THSD4: variants seen among roughly 807,000 people sequenced by gnomAD.
The protein encoded by THSD4 is thrombospondin type 1 domain containing 4.
In THSD4, 69 loss-of-function variants were observed where a neutral mutation model predicts 119.0. That is an observed-to-expected ratio of 0.58 (90% CI 0.48 to 0.71). The LOEUF is 0.71. THSD4 is among the 30% of genes least tolerant of loss of function. THSD4 has a pLI of 0.00. For missense variants in THSD4, 1,393 were observed against 1,391.1 expected, an observed-to-expected ratio of 1.00 and a Z score of -0.02; for synonymous variants, 524 against 540.4, an observed-to-expected ratio of 0.97 and a Z score of 0.42.
intron 7 of THSD4, among the ~76,000 whole-genome samples, chr15:71,501,111 A>G (rs974326308): frequency 1.3e-5 from 2 of 152,220 alleles, no homozygotes; most frequent in South Asian, 2.1e-4. Context: ...ATCCATGAAC[A>G]TGATATGTCT....
chr15:71,699,379 A>AT (rs1232464187), intron 8 of THSD4, among the ~76,000 whole-genome samples: 5 of 144,368 alleles, frequency 3.5e-5, no homozygotes, highest in Non-Finnish European at 6.0e-5. Flanking sequence ...CGCCCGGCTA[A>AT]TTTTTTTGTA....
At chr15:71,739,830 C>CT (rs548898828) in intron 11 of THSD4, among the ~76,000 whole-genome samples, 1,689 of 142,316 alleles carry the variant, frequency 0.012, 27 homozygotes, top group African/African-American at 0.038. Context: ...CTTTGCTTTG[C>CT]TTTTTTTTTT....
intron 8 of THSD4, among the ~76,000 whole-genome samples, chr15:71,720,897 T>A (rs1234538647): frequency 6.6e-6 from 1 of 152,252 alleles, no homozygotes; most frequent in African/African-American, 2.4e-5. Flanking sequence ...GAAACTTTTT[T>A]TTCTTTTTAA....
chr15:71,588,092 G>T (rs1008665834), intron 7 of THSD4, among the ~76,000 whole-genome samples: 4 of 151,912 alleles, frequency 2.6e-5, no homozygotes, highest in African/African-American at 9.7e-5. Context: ...GGATCACGAG[G>T]TCAGGAGATC....
At chr15:71,325,608 G>A (rs914196022) in intron 6 of THSD4, among the ~76,000 whole-genome samples, 1 of 152,202 alleles carries the variant, frequency 6.6e-6, no homozygotes, top group Non-Finnish European at 1.5e-5. Flanking sequence ...AGAGTACAAG[G>A]TTACATGATT....
chr15:71,212,218 T>A (rs1426598271), intron 3 of THSD4, among the ~76,000 whole-genome samples: 1 of 152,216 alleles, frequency 6.6e-6, no homozygotes, highest in African/African-American at 2.4e-5. Flanking sequence ...TTTGTTTGTT[T>A]CTGGCTACAT....
intron 4 of THSD4, among the ~76,000 whole-genome samples, chr15:71,217,726 T>C (rs1196694314): frequency 6.6e-6 from 1 of 152,024 alleles, no homozygotes; most frequent in African/African-American, 2.4e-5. Flanking sequence ...ACTCTTAATT[T>C]TAGAATTGCA....
At position 71,099,279 on chromosome 15, in the gene THSD4, T is replaced by G. The variant is rs148773067; in HGVS notation, c.-80+2273T>G. Among the ~76,000 whole-genome samples, 378 of 152,334 alleles carry G rather than the reference T, an allele frequency of 2.5e-3. 4 individuals are homozygous for G. Among genetic ancestry groups the G allele is most frequent in the African/African-American group, 8.9e-3 (368 of 41,570 alleles). On this transcript the variant is annotated intron_variant, in intron 1 of 17. Transcript: ENST00000355327. ...ACTGGGTGGACCTGTAAATGTCCAT[T>G]AGAATCAATTAGTTGGTGGTGTTGC...
chr15:71,526,192 C>T (rs948743966), intron 7 of THSD4, among the ~76,000 whole-genome samples: 3 of 152,198 alleles, frequency 2.0e-5, no homozygotes, highest in South Asian at 2.1e-4. Flanking sequence ...TTTCAAGGAC[C>T]GTCTAAAATC....
chr15:71,151,094 T>C (rs1187117505), intron 2 of THSD4, among the ~76,000 whole-genome samples: 1 of 152,100 alleles, frequency 6.6e-6, no homozygotes, highest in Non-Finnish European at 1.5e-5. Context: ...CCACTGTTTT[T>C]TGTAGGGTCA....
intron 7 of THSD4, among the ~76,000 whole-genome samples, chr15:71,421,537 A>C (rs998481156): frequency 6.6e-6 from 1 of 152,154 alleles, no homozygotes; most frequent in Non-Finnish European, 1.5e-5. Context: ...CTGCTGCCAG[A>C]TGTAATGGCG....
At chr15:71,580,523 C>CATA (rs2049537951) in intron 7 of THSD4, among the ~76,000 whole-genome samples, 1 of 152,104 alleles carries the variant, frequency 6.6e-6, no homozygotes. Context: ...CAATTTCAAG[C>CATA]ATACAATACA....
intron 3 of THSD4, among the ~76,000 whole-genome samples, chr15:71,212,470 A>G (rs770495373): frequency 6.6e-6 from 1 of 152,208 alleles, no homozygotes; most frequent in Non-Finnish European, 1.5e-5. Context: ...GTCTAATCCA[A>G]GTATTATAGG....
intron 6 of THSD4, among the ~76,000 whole-genome samples, chr15:71,282,431 A>C (rs2140315241): frequency 6.6e-6 from 1 of 151,922 alleles, no homozygotes; most frequent in East Asian, 1.9e-4. Context: ...AAAAAAGAAG[A>C]CAAGGAGATG....
At position 71,161,597 on chromosome 15, in the gene THSD4, T is replaced by C. The variant is rs188793616; in HGVS notation, c.99+6665T>C. Among the ~76,000 whole-genome samples the C allele has an allele frequency of 3.9e-5, 6 of 152,114 alleles. No individual in the cohort carries two copies. In the East Asian group the frequency reaches 7.7e-4, roughly 20 times the overall value. On this transcript the variant is annotated intron_variant, in intron 3 of 17. Transcript: ENST00000261862. ...TTGGTTTCTGTTTGCATGGAATATG[T>C]TTTTCTACCTCTTCACTTTCAGTCT...
intron 6 of THSD4, among the ~76,000 whole-genome samples, chr15:71,398,695 T>C (rs972190224): frequency 2.0e-5 from 3 of 151,778 alleles, no homozygotes; most frequent in Non-Finnish European, 4.4e-5. Context: ...CAGCAGAAGA[T>C]TGAAAGCTGG....
chr15:71,749,379 G>A (rs561055420), intron 14 of THSD4, among the ~76,000 whole-genome samples: 24 of 152,344 alleles, frequency 1.6e-4, no homozygotes, highest in African/African-American at 3.8e-4. Flanking sequence ...GCGCATTGGC[G>A]GGCATGGGAT....
At chr15:71,349,928 C>T (rs771316544) in intron 6 of THSD4, among the ~76,000 whole-genome samples, 1 of 151,988 alleles carries the variant, frequency 6.6e-6, no homozygotes, top group Non-Finnish European at 1.5e-5. Context: ...GGGGATGGTC[C>T]ATTTCAGCAG....
At chr15:71,767,840 T>C (rs748094787) in intron 16 of THSD4, among the ~76,000 whole-genome samples, 1 of 152,172 alleles carries the variant, frequency 6.6e-6, no homozygotes. Context: ...AGCAAGGAAG[T>C]TCTTAAACAC....
Sources: allele counts gnomAD v4.1 joint callset (sites outside exome capture counted in the v4.1 genomes callset), GRCh38; gene constraint gnomAD v4.1.1; transcripts MANE v1.5; gene names NCBI Gene and HGNC (gene_info 2026-07-23, HGNC 2026-07-21).